The following ACVR1 variants were observed in gnomAD, a reference collection of about 807,000 sequenced individuals.
The protein encoded by ACVR1 is activin receptor type-1.
In ACVR1, 38 loss-of-function variants were observed where a neutral mutation model predicts 57.1. The ratio of observed to expected loss-of-function variants is 0.67; its 90% confidence interval spans 0.51 to 0.87. The LOEUF is 0.87. Ranked by LOEUF, ACVR1 falls within the 40% of genes least tolerant of loss-of-function variation. The pLI is 0.00. For missense variants in ACVR1, 463 were observed against 638.2 expected, an observed-to-expected ratio of 0.73 and a Z score of 2.96; for synonymous variants, 212 against 228.1, an observed-to-expected ratio of 0.93 and a Z score of 0.63.
intron 1 of ACVR1, among the ~76,000 whole-genome samples, chr2:157,873,253 C>G (rs935756917): frequency 6.6e-6 from 1 of 152,142 alleles, no homozygotes; most frequent in Non-Finnish European, 1.5e-5. Context: ...GTTCAAATCC[C>G]CATTCTACCA....
intron 1 of ACVR1, among the ~76,000 whole-genome samples, chr2:157,868,132 T>C (rs565532057): frequency 6.6e-6 from 1 of 152,268 alleles, no homozygotes; most frequent in Admixed American, 6.5e-5. Context: ...GTCTAAGGTC[T>C]CGCATGCCAC....
At chr2:157,788,477 A>G (rs1686792435) in intron 3 of ACVR1, among the ~76,000 whole-genome samples, 2 of 152,228 alleles carry the variant, frequency 1.3e-5, no homozygotes, top group Admixed American at 1.3e-4. Context: ...CTTGGTTACC[A>G]GATCCACTGC....
chr2:157,744,605 G>A (rs1684893993), intron 9 of ACVR1, among the ~76,000 whole-genome samples: 1 of 152,152 alleles, frequency 6.6e-6, no homozygotes, highest in Admixed American at 6.5e-5. Flanking sequence ...ATTTGGATAT[G>A]GAAAAAAATG....
intron 2 of ACVR1, among the ~76,000 whole-genome samples, chr2:157,803,284 T>C (rs1356682082): frequency 1.3e-5 from 2 of 152,148 alleles, no homozygotes; most frequent in African/African-American, 4.8e-5. Flanking sequence ...GAATTATAAA[T>C]TCAGACCCTC....
rs189484738 is a variant in ACVR1 at position 157,814,193 on chromosome 2, T to C, written c.-8+4192A>G. ...TGCACAACAAAGTAATAATTATTTCTATACAAATGGCCAACGGAGAAAAAT... is the reference window on the plus strand; with the variant it reads ...TGCACAACAAAGTAATAATTATTTCCATACAAATGGCCAACGGAGAAAAAT... On this transcript the variant is annotated intron_variant, in intron 2 of 10. Transcript: ENST00000434821. Among the ~76,000 whole-genome samples the C allele has an allele frequency of 1.7e-3, 255 of 152,352 alleles. 1 individual carries two copies. Among genetic ancestry groups the C allele is most frequent in the African/African-American group, 5.9e-3 (245 of 41,576 alleles).
At chr2:157,855,281 T>A (rs1269164715) in intron 1 of ACVR1, among the ~76,000 whole-genome samples, 3 of 64,662 alleles carry the variant, frequency 4.6e-5, no homozygotes, top group Non-Finnish European at 3.0e-5. Context: ...TGTGTGTGTG[T>A]GTGTGTGTGT....
chr2:157,813,499 T>C (rs1687825398), intron 2 of ACVR1, among the ~76,000 whole-genome samples: 1 of 152,246 alleles, frequency 6.6e-6, no homozygotes, highest in South Asian at 2.1e-4. Flanking sequence ...ATAATGAAGT[T>C]CTCATCACTA....
intron 3 of ACVR1, among the ~76,000 whole-genome samples, chr2:157,788,782 C>A (rs1003473778): frequency 2.0e-5 from 3 of 151,848 alleles, no homozygotes; most frequent in Non-Finnish European, 4.4e-5. Context: ...TAGATGAAGC[C>A]AAAGCGATTT....
intron 1 of ACVR1, among the ~76,000 whole-genome samples, chr2:157,845,365 T>C (rs1689097709): frequency 6.6e-6 from 1 of 152,156 alleles, no homozygotes; most frequent in Non-Finnish European, 1.5e-5. Flanking sequence ...ATGACAAGCA[T>C]CTTTATGAGA....
chr2:157,792,102 C>A (rs184376823), intron 3 of ACVR1, among the ~76,000 whole-genome samples: 122 of 151,866 alleles, frequency 8.0e-4, no homozygotes, highest in Non-Finnish European at 1.2e-3. Flanking sequence ...CCACCCCAAT[C>A]CCCCAAATCA....
chr2:157,788,507 T>C (rs1398973037), intron 3 of ACVR1, among the ~76,000 whole-genome samples: 6 of 152,206 alleles, frequency 3.9e-5, no homozygotes, highest in Admixed American at 3.9e-4. Flanking sequence ...GCAGGTGCGT[T>C]CAAGGAACCC....
chr2:157,761,786 T>C (rs1211243367), intron 8 of ACVR1, among the ~76,000 whole-genome samples: 3 of 152,192 alleles, frequency 2.0e-5, no homozygotes, highest in East Asian at 1.9e-4. Flanking sequence ...GGGAGACACA[T>C]ACATGCATGC....
At chr2:157,757,856 T>C (rs1342511180) in intron 9 of ACVR1, among the ~76,000 whole-genome samples, 2 of 150,782 alleles carry the variant, frequency 1.3e-5, no homozygotes, top group African/African-American at 4.9e-5. Flanking sequence ...AATTCAAATT[T>C]AAGGAGAAAA....
chr2:157,812,377 G>A (rs146192886), intron 2 of ACVR1, among the ~76,000 whole-genome samples: 2 of 151,888 alleles, frequency 1.3e-5, no homozygotes, highest in Admixed American at 6.6e-5. Context: ...GAGATAATAC[G>A]AGACCAATCT....
intron 8 of ACVR1, among the ~76,000 whole-genome samples, chr2:157,763,374 A>C (rs2105256196): frequency 6.6e-6 from 1 of 152,314 alleles, no homozygotes; most frequent in East Asian, 1.9e-4. Flanking sequence ...TATTGAATCT[A>C]GGTGTTCGGG....
chr2:157,744,991 T>C (rs1432868465), intron 9 of ACVR1, among the ~76,000 whole-genome samples: 1 of 152,248 alleles, frequency 6.6e-6, no homozygotes, highest in African/African-American at 2.4e-5. Flanking sequence ...GTGACAGCTG[T>C]GTCCTGCCCC....
chr2:157,751,929 C>A (rs979185614), intron 9 of ACVR1, among the ~76,000 whole-genome samples: 6 of 152,158 alleles, frequency 3.9e-5, no homozygotes, highest in Non-Finnish European at 7.4e-5. Context: ...TGCCCACCAC[C>A]TGATCCTCCC....
At chr2:157,762,920 C>A (rs1490952809) in intron 8 of ACVR1, among the ~76,000 whole-genome samples, 2 of 152,150 alleles carry the variant, frequency 1.3e-5, no homozygotes, top group Non-Finnish European at 2.9e-5. Context: ...ATGATTGCAA[C>A]CTCCACGAGA....
At chr2:157,852,372 G>C (rs532662032) in intron 1 of ACVR1, among the ~76,000 whole-genome samples, 35 of 151,738 alleles carry the variant, frequency 2.3e-4, no homozygotes, top group Non-Finnish European at 5.0e-4. Context: ...GTGGTGCATG[G>C]CTGTGGTCCC....
Sources: allele counts gnomAD v4.1 joint callset (sites outside exome capture counted in the v4.1 genomes callset), GRCh38; gene constraint gnomAD v4.1.1; transcripts MANE v1.5; gene names NCBI Gene and HGNC (gene_info 2026-07-23, HGNC 2026-07-21).